CAPN2: variants seen among roughly 807,000 people sequenced by gnomAD.
CAPN2 encodes calpain 2, also known as calpain-2 catalytic subunit.
CAPN2 carries 92 observed loss-of-function variants against 102.3 expected under a neutral mutation model. The ratio of observed to expected loss-of-function variants is 0.90; its 90% CI spans 0.76 to 1.07. The LOEUF (loss-of-function observed/expected upper bound fraction) is 1.07. CAPN2 is among the 50% of genes least tolerant of loss of function. The pLI, the probability that CAPN2 is intolerant of heterozygous loss-of-function variation, is 0.00. For missense variants in CAPN2, 800 were observed against 909.4 expected, an observed-to-expected ratio of 0.88 and a Z score of 1.55; for synonymous variants, 340 against 355.4, an observed-to-expected ratio of 0.96 and a Z score of 0.49.
chr1:223,714,047 C>A (rs1387045608), intron 1 of CAPN2, among the ~76,000 whole-genome samples: 1 of 152,186 alleles, frequency 6.6e-6, no homozygotes, highest in African/African-American at 2.4e-5. Flanking sequence ...CACGCTGTTA[C>A]CTGGAGTGTG....
intron 2 of CAPN2, among the ~76,000 whole-genome samples, chr1:223,724,515 A>G (rs1660139336): frequency 2.0e-5 from 3 of 152,236 alleles, no homozygotes; most frequent in African/African-American, 7.2e-5. Context: ...CAACTGAGAA[A>G]CTGAATTTGT....
intron 13 of CAPN2, 37 bp downstream of exon 13, chr1:223,761,654 T>C: frequency 6.4e-7 from 1 of 1,573,816 alleles, no homozygotes; most frequent in Non-Finnish European, 8.7e-7. Context: ...CACTCTGTCC[T>C]GGACAATCCA....
At chr1:223,711,155 C>G (rs1306014359), upstream of CAPN2, among the ~76,000 whole-genome samples, 1 of 152,202 alleles carries the variant, frequency 6.6e-6, no homozygotes, top group African/African-American at 2.4e-5. Context: ...TAAAAACTAT[C>G]TCCAGACATT....
intron 1 of CAPN2, among the ~76,000 whole-genome samples, chr1:223,713,944 CT>C (rs1375729989): frequency 4.6e-5 from 7 of 152,208 alleles, no homozygotes; most frequent in Non-Finnish European, 1.0e-4. Context: ...TATTTTCTCT[CT>C]TTTGTGGCCC....
intron 2 of CAPN2, among the ~76,000 whole-genome samples, chr1:223,734,791 G>C (rs1424882126): frequency 6.6e-6 from 1 of 152,166 alleles, no homozygotes; most frequent in African/African-American, 2.4e-5. Flanking sequence ...TGGAGACACT[G>C]TTCTCAATGC....
At chr1:223,723,477 C>T (rs1660108539) in intron 2 of CAPN2, among the ~76,000 whole-genome samples, 1 of 152,158 alleles carries the variant, frequency 6.6e-6, no homozygotes, top group African/African-American at 2.4e-5. Flanking sequence ...TACCAGCCTC[C>T]CAGGGCACTG....
At chr1:223,717,421 G>A (rs921841695) in intron 1 of CAPN2, among the ~76,000 whole-genome samples, 3 of 152,172 alleles carry the variant, frequency 2.0e-5, no homozygotes, top group Non-Finnish European at 4.4e-5. Flanking sequence ...TGGATAGGGT[G>A]GCTCTAGAGT....
Position 223,702,080 on chromosome 1 carries a change from AGGG to A in CAPN2, c.3+250_3+252del. Among the ~76,000 whole-genome samples the A allele has an allele frequency of 6.9e-5, 2 of 28,988 alleles. 1 individual carries two copies. The highest frequency in any genetic ancestry group is 1.8e-4 in the African/African-American group (2 of 10,870). The allele number at this position is 28,988 out of a possible 152,430, so 19.0% of individuals were successfully genotyped here. A position where few individuals can be genotyped will look rare whatever the true frequency, so the allele number is the denominator to read the frequency against. ...AAGGAAGGAAGGGAGGGAGGGAGGG[AGGG>A]AGGGAGGGAGGAAAGAAGGAAAGAA... On this transcript the variant is annotated intron_variant, in intron 1 of 20. Coordinates refer to the CAPN2 transcript ENST00000433674.
Position 223,752,065 on chromosome 1 carries a change from A to G in CAPN2, c.968A>G (p.Glu323Gly). 6.2e-7 allele frequency: 1 copy of G among 1,609,058 alleles called. No homozygotes were observed. The highest frequency in any genetic ancestry group is 8.5e-7 in the Non-Finnish European group (1 of 1,175,444). ...CTGACCAGACGGCATGAAGATGGAG[A>G]ATTCTGGTAAGATTAGTGGAGGCTT... is the stretch of plus-strand genomic sequence containing the variant. The part of the protein sequence containing the change: ...ERLTRRHEDG[E>G]FWMSFSDFLR... The change falls in exon 8 of 21, where the codon GAA (glutamate) becomes GGA (glycine). Residue 323 changes from glutamate to glycine, a missense_variant. Transcript: ENST00000295006.
chr1:223,747,402 A>G (rs1049839084), intron 5 of CAPN2, among the ~76,000 whole-genome samples: 11 of 152,228 alleles, frequency 7.2e-5, no homozygotes, highest in African/African-American at 2.7e-4. Flanking sequence ...GGGGAGAATC[A>G]CAAGAGATTT....
rs542150311 is a variant in CAPN2, at chr1:223,769,962, T to C, written c.1824+53T>C. On this transcript the variant is annotated intron_variant, in intron 17 of 20. Coordinates refer to ENST00000295006, the MANE Select transcript of CAPN2 (RefSeq NM_001748.5). ...TGTGTTGGGAAACATTCTGTTCATA[T>C]GCTTTAAGATGCAGCAACTCCTGCA... The C allele has an allele frequency of 5.8e-5, 78 of 1,337,114 alleles. No individual in the cohort carries two copies. The African/African-American group carries it at 9.8e-4, about 17-fold the overall frequency. The allele number at this position is 1,337,114 out of a possible 1,614,324, so 82.8% of individuals were successfully genotyped here.
At chr1:223,702,763 A>C (rs1659517089) in intron 1 of CAPN2, among the ~76,000 whole-genome samples, 1 of 152,180 alleles carries the variant, frequency 6.6e-6, no homozygotes, top group African/African-American at 2.4e-5. Flanking sequence ...GGAAATTAGA[A>C]GCATAGGAGT....
rs769162191 is a variant in CAPN2 at position 223,727,882 on chromosome 1, G to T, written c.307+10051G>T. On this transcript the variant is annotated intron_variant, in intron 2 of 20. Coordinates refer to ENST00000295006, the MANE Select transcript of CAPN2 (RefSeq NM_001748.5). This position sits in a 1 kb window ranked among gnomAD's most constrained non-coding sequence, Gnocchi z 4.1. ...TCCGTCTGCTCAGCTTCCTAGCTCA[G>T]GTGCCTTTCCAAACCACACATCAGC... is the stretch of plus-strand genomic sequence containing the variant. Among the ~76,000 whole-genome samples the T allele has an allele frequency of 2.0e-5, 3 of 152,118 alleles. No individual in the cohort carries two copies. The highest frequency in any genetic ancestry group is 4.4e-5 in the Non-Finnish European group (3 of 68,022).
chr1:223,751,214 C>G (rs1660882831), intron 7 of CAPN2, among the ~76,000 whole-genome samples: 1 of 152,176 alleles, frequency 6.6e-6, no homozygotes, highest in African/African-American at 2.4e-5. Flanking sequence ...GAAGTTCATT[C>G]CTGCCACTGC....
At chr1:223,723,314 G>A (rs774228681) in intron 2 of CAPN2, among the ~76,000 whole-genome samples, 2 of 152,136 alleles carry the variant, frequency 1.3e-5, no homozygotes, top group Non-Finnish European at 2.9e-5. Flanking sequence ...GGGCAACAGA[G>A]GGAAAACTTA....
At chr1:223,742,909 C>T (rs904557757) in intron 2 of CAPN2, among the ~76,000 whole-genome samples, 10 of 152,196 alleles carry the variant, frequency 6.6e-5, no homozygotes, top group Non-Finnish European at 1.2e-4. Flanking sequence ...CCATTATTGT[C>T]ATGGGAAATT....
intron 2 of CAPN2, among the ~76,000 whole-genome samples, chr1:223,735,751 C>T (rs1415233007): frequency 1.3e-5 from 2 of 151,156 alleles, no homozygotes. Flanking sequence ...ACCCCCGCCC[C>T]TGCCAGCCTG....
chr1:223,764,997 A>G (rs932276925), intron 15 of CAPN2, among the ~76,000 whole-genome samples: 1 of 152,162 alleles, frequency 6.6e-6, no homozygotes, highest in African/African-American at 2.4e-5. Flanking sequence ...ACACAGAGAC[A>G]TTTTTTCCCC....
chr1:223,734,460 C>T lies in CAPN2; in HGVS notation c.308-9640C>T, dbSNP rs145434595. Among the ~76,000 whole-genome samples, 15 of 152,240 alleles carry T rather than the reference C, an allele frequency of 9.9e-5. No homozygotes were observed. The East Asian group carries it at 2.9e-3, about 29-fold the overall frequency. The stretch of plus-strand genomic sequence containing the variant: ...ACCAGGACACCTCGCCCAGTGCTCA[C>T]TATTTACCTTTATTTCTTCCTTATT... On this transcript the variant is annotated intron_variant, in intron 2 of 20. Transcript: ENST00000295006.
Sources: gnomAD v4.1 joint callset for allele counts (sites outside exome capture counted in the v4.1 genomes callset) on GRCh38, gnomAD v4.1.1 for gene constraint, Gnocchi (gnomAD v3.1) non-coding constraint, MANE v1.5 for transcripts, NCBI Gene and HGNC (gene_info 2026-07-23, HGNC 2026-07-21) for gene names.